The following ARHGAP32 variants were observed in gnomAD, a reference collection of about 807,000 sequenced individuals.
ARHGAP32 encodes Rho GTPase activating protein 32.
In ARHGAP32, 51 loss-of-function variants were observed where a neutral mutation model predicts 186.5. That is an observed-to-expected ratio of 0.27 (90% confidence interval 0.22 to 0.35). The LOEUF (loss-of-function observed/expected upper bound fraction) is 0.35, where lower values mean the gene tolerates loss of function less well. Among genes scored for constraint, ARHGAP32 ranks in the 10% least tolerant of loss-of-function variants. The pLI, the probability that ARHGAP32 is intolerant of heterozygous loss-of-function variation, is 1.00. For synonymous variants in ARHGAP32, 950 were observed against 964.3 expected, an observed-to-expected ratio of 0.99 and a Z score of 0.27; for missense variants, 2,186 against 2,623.5, an observed-to-expected ratio of 0.83 and a Z score of 3.64.
Position 128,970,672 on chromosome 11 carries a change from C to T in ARHGAP32, c.4541G>A (p.Cys1514Tyr). The T allele has an allele frequency of 6.2e-7, 1 of 1,614,084 alleles. No individual in the cohort carries two copies. The highest frequency in any genetic ancestry group is 1.3e-5 in the African/African-American group (1 of 74,998). Reference protein sequence around the residue: ...NCLHFNMTPNCQYRPQSVPPH... With the variant: ...NCLHFNMTPNYQYRPQSVPPH... ...AGGTACACTCTGGGGACGGTACTGG[C>T]AGTTTGGAGTCATATTGAAATGCAA... The change falls in exon 23 of 23, where the codon TGC becomes TAC. Residue 1514 changes from cysteine to tyrosine, a missense_variant. This residue lies in a region of ARHGAP32 where 1,502 missense variants were observed against 1,570.0 expected (regional missense o/e 0.96). Coordinates refer to ENST00000682385, the MANE Select transcript of ARHGAP32 (RefSeq NM_001378024.1). The surrounding 1 kb of genome is among the most constrained non-coding windows in gnomAD (Gnocchi z 5.8).
At chr11:128,995,316 C>T (rs930170023) in intron 12 of ARHGAP32, among the ~76,000 whole-genome samples, 1 of 152,120 alleles carries the variant, frequency 6.6e-6, no homozygotes, top group Non-Finnish European at 1.5e-5. Flanking sequence ...CAGCAATCCC[C>T]CGACCTCAGC....
intron 1 of ARHGAP32, among the ~76,000 whole-genome samples, chr11:129,217,369 T>TA (rs1334396719): frequency 6.6e-6 from 1 of 152,176 alleles, no homozygotes; most frequent in Non-Finnish European, 1.5e-5. Context: ...AAGAAACTGA[T>TA]ACACAACAGT....
chr11:129,100,052 C>T (rs571953666), intron 5 of ARHGAP32, among the ~76,000 whole-genome samples: 6 of 152,302 alleles, frequency 3.9e-5, no homozygotes, highest in East Asian at 1.9e-4. Flanking sequence ...GGCAGAGACC[C>T]CCCTTTGACC....
intron 2 of ARHGAP32, among the ~76,000 whole-genome samples, chr11:129,157,068 T>C (rs507643): frequency 0.13 from 19,654 of 151,888 alleles, 1,408 homozygotes; most frequent in Non-Finnish European, 0.16. Flanking sequence ...ATAAACCCCA[T>C]CCAAAGTTAC....
At chr11:129,263,647 A>G (rs1415207241) in intron 1 of ARHGAP32, among the ~76,000 whole-genome samples, 1 of 149,296 alleles carries the variant, frequency 6.7e-6, no homozygotes, top group East Asian at 2.0e-4. Flanking sequence ...GAGGGGGAGG[A>G]GAAAGAAGGA....
intron 1 of ARHGAP32, among the ~76,000 whole-genome samples, chr11:129,275,477 C>T (rs1016749139): frequency 1.3e-5 from 2 of 152,068 alleles, no homozygotes; most frequent in African/African-American, 4.8e-5. Context: ...GTCTATCTGG[C>T]TCCAAAACAA....
intron 1 of ARHGAP32, among the ~76,000 whole-genome samples, chr11:129,268,654 GCCT>G (rs1395641848): frequency 1.9e-4 from 14 of 73,172 alleles, no homozygotes; most frequent in East Asian, 9.3e-4. Context: ...TTCGTTATTT[GCCT>G]CCTCACCAAA....
At chr11:129,023,732 T>C (rs1458318297) in intron 11 of ARHGAP32, 8 of 195,724 alleles carry the variant, frequency 4.1e-5, no homozygotes, top group Non-Finnish European at 7.4e-5. Context: ...AATTAAATAA[T>C]TAACCATTTA....
chr11:129,083,669 C>A (rs1941292433), intron 6 of ARHGAP32, among the ~76,000 whole-genome samples: 1 of 152,090 alleles, frequency 6.6e-6, no homozygotes, highest in East Asian at 1.9e-4. Context: ...CACTAAAGAA[C>A]TTATCCATAT....
intron 1 of ARHGAP32, among the ~76,000 whole-genome samples, chr11:129,201,844 A>G (rs558207677): frequency 2.0e-5 from 3 of 152,230 alleles, no homozygotes; most frequent in Non-Finnish European, 4.4e-5. Context: ...TTAGCCAAGC[A>G]TTGTGATGCA....
chr11:129,041,477 C>G (rs1234575080), intron 10 of ARHGAP32, among the ~76,000 whole-genome samples: 6 of 137,932 alleles, frequency 4.3e-5, no homozygotes, highest in Non-Finnish European at 7.9e-5. Context: ...TCTCTTCACT[C>G]TCTCCCAGGT....
chr11:129,156,256 T>C (rs550710639), intron 2 of ARHGAP32, among the ~76,000 whole-genome samples: 6 of 152,132 alleles, frequency 3.9e-5, no homozygotes, highest in East Asian at 1.9e-4. Flanking sequence ...TTTACTCCCC[T>C]GGAAAGGGGG....
intron 1 of ARHGAP32, among the ~76,000 whole-genome samples, chr11:129,186,224 G>A (rs1204994719): frequency 2.0e-5 from 3 of 152,046 alleles, no homozygotes; most frequent in African/African-American, 7.2e-5. Context: ...TTTTATACAG[G>A]TCTATATCGT....
chr11:129,168,886 TAAAG>T (rs776811257), intron 1 of ARHGAP32, among the ~76,000 whole-genome samples: 1 of 150,076 alleles, frequency 6.7e-6, no homozygotes, highest in African/African-American at 2.5e-5. Flanking sequence ...TGTTTGGAAA[TAAAG>T]AAACACAATA....
At chr11:129,111,634 C>T (rs1197620335) in intron 5 of ARHGAP32, among the ~76,000 whole-genome samples, 2 of 152,186 alleles carry the variant, frequency 1.3e-5, no homozygotes, top group South Asian at 2.1e-4. Flanking sequence ...GTAGGCTGCA[C>T]GTGCCCAGAA....
chr11:129,046,128 T>C (rs1017070818), intron 10 of ARHGAP32, among the ~76,000 whole-genome samples: 1 of 152,088 alleles, frequency 6.6e-6, no homozygotes, highest in African/African-American at 2.4e-5. Flanking sequence ...ACTCCCATCA[T>C]GGCTGGTTTC....
chr11:129,053,017 T>C (rs919995545), intron 10 of ARHGAP32, among the ~76,000 whole-genome samples: 4 of 152,070 alleles, frequency 2.6e-5, no homozygotes, highest in African/African-American at 9.7e-5. Context: ...AGTTTTTACA[T>C]GTATACATAT....
At position 128,968,003 on chromosome 11, in the gene ARHGAP32, T is replaced by C. The variant is rs1409913719; in HGVS notation, c.*904A>G. On this transcript the variant is annotated 3_prime_UTR_variant, in exon 23 of 23. Coordinates refer to ENST00000682385, the MANE Select transcript of ARHGAP32 (RefSeq NM_001378024.1). ...AATGGTATGACATGTTTTACTAGAA[T>C]TACAATTCACCAAATCTTATTGAGG... 1 of 150,140 alleles carries C rather than the reference T, an allele frequency of 6.7e-6. No individual in the cohort carries two copies. The highest frequency in any genetic ancestry group is 2.5e-5 in the African/African-American group (1 of 40,580). The allele number at this position is 150,140 out of a possible 1,614,324, so 9.3% of individuals were successfully genotyped here.
chr11:129,003,225 C>T (rs1462373443), intron 11 of ARHGAP32, among the ~76,000 whole-genome samples: 1 of 152,136 alleles, frequency 6.6e-6, no homozygotes, highest in Non-Finnish European at 1.5e-5. Flanking sequence ...TCCTTGCATC[C>T]CTGGGATAAA....
Sources: allele counts gnomAD v4.1 joint callset (sites outside exome capture counted in the v4.1 genomes callset), GRCh38; gene constraint gnomAD v4.1.1; regional missense constraint gnomAD v4.1.1; non-coding constraint Gnocchi (gnomAD v3.1); transcripts MANE v1.5; gene names NCBI Gene and HGNC (gene_info 2026-07-23, HGNC 2026-07-21).